PLB1: variants seen among roughly 807,000 people sequenced by gnomAD.
The protein encoded by PLB1 is phospholipase B1, membrane-associated.
A neutral mutation model predicts 227.4 loss-of-function variants in PLB1; 242 were observed. The ratio of observed to expected loss-of-function variants is 1.06; its 90% confidence interval spans 0.96 to 1.18. The LOEUF (loss-of-function observed/expected upper bound fraction) is 1.18. PLB1 is among the 50% of genes most tolerant of loss of function. PLB1 has a pLI of 0.00. For synonymous variants in PLB1, 757 were observed against 682.2 expected, an observed-to-expected ratio of 1.11 and a Z score of -1.71; for missense variants, 1,858 against 1,816.3, an observed-to-expected ratio of 1.02 and a Z score of -0.42.
chr2:28,623,101 A>G (rs966854289), intron 49 of PLB1, among the ~76,000 whole-genome samples: 5 of 152,154 alleles, frequency 3.3e-5, no homozygotes, highest in Admixed American at 2.6e-4. Context: ...GCACTGTCTA[A>G]AGACAGATGC....
At chr2:28,534,920 A>G (rs959504028) in intron 9 of PLB1, among the ~76,000 whole-genome samples, 1 of 152,116 alleles carries the variant, frequency 6.6e-6, no homozygotes. Context: ...GTAGATTCTT[A>G]TACCAGTCTT....
At chr2:28,524,182 C>T (rs1254622246) in intron 4 of PLB1, among the ~76,000 whole-genome samples, 1 of 152,114 alleles carries the variant, frequency 6.6e-6, no homozygotes, top group Non-Finnish European at 1.5e-5. Context: ...GAGTAGGTGA[C>T]GCGGTGTAGC....
chr2:28,540,133 C>G, intron 11 of PLB1, among the ~76,000 whole-genome samples: 1 of 149,338 alleles, frequency 6.7e-6, no homozygotes, highest in Non-Finnish European at 1.5e-5. Context: ...GTCCCTCCAT[C>G]CAATACCCAC....
chr2:28,547,338 A>T (rs555724880), intron 14 of PLB1, among the ~76,000 whole-genome samples: 2 of 152,222 alleles, frequency 1.3e-5, no homozygotes, highest in Admixed American at 1.3e-4. Flanking sequence ...CCTTGTTTCT[A>T]GGAGCGGCCA....
intron 1 of PLB1, among the ~76,000 whole-genome samples, chr2:28,502,312 G>A (rs1488179675): frequency 6.6e-6 from 1 of 152,116 alleles, no homozygotes; most frequent in East Asian, 1.9e-4. Context: ...TTCCTATTCA[G>A]TTAGATGATA....
At chr2:28,546,487 C>CT (rs1462579096) in intron 14 of PLB1, among the ~76,000 whole-genome samples, 1 of 152,146 alleles carries the variant, frequency 6.6e-6, no homozygotes, top group African/African-American at 2.4e-5. Flanking sequence ...GGAAGCCGTG[C>CT]TGGGGAGATG....
chr2:28,555,419 G>A (rs1274742271), intron 17 of PLB1, among the ~76,000 whole-genome samples: 1 of 152,112 alleles, frequency 6.6e-6, no homozygotes, highest in Non-Finnish European at 1.5e-5. Flanking sequence ...TGGGATTACA[G>A]GCATGAGCTA....
intron 49 of PLB1, among the ~76,000 whole-genome samples, chr2:28,622,006 T>A (rs1450868630): frequency 6.6e-6 from 1 of 152,208 alleles, no homozygotes; most frequent in African/African-American, 2.4e-5. Flanking sequence ...GCTGCTCAGC[T>A]CCTCTGCCAG....
rs374701701 is a variant in PLB1 at position 28,615,638 on chromosome 2, C to A, written c.3195+1542C>A. Among the ~76,000 whole-genome samples the A allele has an allele frequency of 2.1e-3, 327 of 152,328 alleles. 9 individuals are homozygous for A. In the South Asian group the frequency reaches 0.064, roughly 30 times the overall value. Reference sequence around the variant, plus strand: ...AGGCTTGTCCTCATTGAACCAGTGACCAAATTCCCTGAGAATTGAAATGTC... The same window carrying A: ...AGGCTTGTCCTCATTGAACCAGTGAACAAATTCCCTGAGAATTGAAATGTC... On this transcript the variant is annotated intron_variant, in intron 44 of 57. Coordinates refer to ENST00000327757, the MANE Select transcript of PLB1 (RefSeq NM_153021.5).
In PLB1 at chr2:28,598,713, T is replaced by C; in HGVS notation, c.2427T>C (p.Asn809=). ...TGYAVGTGDA[N]DTNAFLNQAV... The stretch of plus-strand genomic sequence containing the variant: ...ACGCCGTGGGCACGGGTGATGCCAA[T>C]GACACGAATGCATTCCTCAATCAAG... Residue 809 remains asparagine, a synonymous_variant, in exon 35 of 58, where the codon AAT becomes AAC. Transcript: ENST00000327757. 6.2e-7 allele frequency: 1 copy of C among 1,614,182 alleles called. No individual in the cohort carries two copies. The highest frequency in any genetic ancestry group is 1.3e-5 in the African/African-American group (1 of 75,048).
chr2:28,603,982 G>A lies in PLB1; in HGVS notation c.2791G>A (p.Val931Ile), dbSNP rs371954478. Reference sequence around the variant, plus strand: ...TTTGTGCAGCGTTTTGTGTAACTGCGTTCTGACCCTGCGGGAGAACTCCCA... The same window carrying A: ...TTTGTGCAGCGTTTTGTGTAACTGCATTCTGACCCTGCGGGAGAACTCCCA... ...VQQASVLCNC[V>I]LTLRENSQEL... is the part of the protein sequence containing the mutation. Residue 931 changes from valine to isoleucine, a missense_variant, in exon 40 of 58, where the codon GTT (valine) becomes ATT (isoleucine). Physicochemically the swap from Val to Ile is conservative, Grantham distance 29. Transcript: ENST00000327757. 5.6e-5 allele frequency: 91 copies of A among 1,614,110 alleles called. No homozygotes were observed. The highest frequency in any genetic ancestry group is 5.5e-5 in the South Asian group (5 of 91,092).
chr2:28,621,182 A>C (rs1687003987), intron 49 of PLB1, among the ~76,000 whole-genome samples: 1 of 152,192 alleles, frequency 6.6e-6, no homozygotes, highest in Admixed American at 6.5e-5. Flanking sequence ...AGAACCACCA[A>C]GATTATCCAG....
At chr2:28,614,211 T>TA (rs1685873140) in intron 44 of PLB1, 115 bp downstream of exon 44, 2 of 1,023,408 alleles carry the variant, frequency 2.0e-6, no homozygotes, top group Middle Eastern at 2.1e-4. Flanking sequence ...ACTTCTTACA[T>TA]ACTGGGGATT....
intron 3 of PLB1, among the ~76,000 whole-genome samples, chr2:28,518,986 T>C (rs1669173973): frequency 6.6e-6 from 1 of 152,222 alleles, no homozygotes; most frequent in African/African-American, 2.4e-5. Flanking sequence ...GTTTGTACTA[T>C]TCTGCCTTGA....
intron 1 of PLB1, among the ~76,000 whole-genome samples, chr2:28,512,251 A>T (rs895963670): frequency 2.6e-5 from 4 of 152,042 alleles, no homozygotes; most frequent in African/African-American, 9.7e-5. Flanking sequence ...TTATTCTGTT[A>T]TCTCAAGCCT....
intron 1 of PLB1, among the ~76,000 whole-genome samples, chr2:28,502,188 T>C (rs548602146): frequency 1.3e-5 from 2 of 152,340 alleles, no homozygotes; most frequent in African/African-American, 4.8e-5. Flanking sequence ...TTTGCAAATG[T>C]CATAGGTAAG....
chr2:28,590,969 C>T (rs1014112719), intron 29 of PLB1, among the ~76,000 whole-genome samples, 164 bp from the exon 30 acceptor site: 2 of 152,188 alleles, frequency 1.3e-5, no homozygotes, highest in African/African-American at 2.4e-5. Flanking sequence ...GTTGCAGAGA[C>T]GGCCCCCTGC....
intron 14 of PLB1, among the ~76,000 whole-genome samples, chr2:28,547,119 G>A (rs1379893400): frequency 1.3e-5 from 2 of 151,104 alleles, no homozygotes; most frequent in African/African-American, 4.9e-5. Flanking sequence ...GAGAATCACC[G>A]GAGCTCAGGA....
chr2:28,586,481 C>G (rs1164896511), intron 26 of PLB1, among the ~76,000 whole-genome samples: 1 of 152,142 alleles, frequency 6.6e-6, no homozygotes, highest in Non-Finnish European at 1.5e-5. Context: ...AAAGTTTCTC[C>G]CCAACAAGCT....
Sources: allele counts gnomAD v4.1 joint callset (sites outside exome capture counted in the v4.1 genomes callset), GRCh38; gene constraint gnomAD v4.1.1; transcripts MANE v1.5; gene names NCBI Gene and HGNC (gene_info 2026-07-23, HGNC 2026-07-21).